Variants in SORT1 observed in about 807,000 individuals in gnomAD.
The protein encoded by SORT1 is sortilin 1.
In SORT1, 39 loss-of-function variants were observed where a neutral mutation model predicts 101.7. That is an observed-to-expected ratio of 0.38 (90% CI 0.30 to 0.50). SORT1 has a LOEUF of 0.50. SORT1 is among the 20% of genes least tolerant of loss of function. SORT1 has a pLI of 0.90. For missense variants in SORT1, 878 were observed against 1,040.4 expected (o/e 0.84, Z 2.15); for synonymous variants, 396 against 393.7 (o/e 1.01, Z -0.07).
At chr1:109,350,837 C>G (rs1414303786) in intron 6 of SORT1, 92 bp downstream of exon 6, 8 of 877,014 alleles carry the variant, frequency 9.1e-6, no homozygotes, top group Non-Finnish European at 1.6e-5. Flanking sequence ...ACTTGGCACA[C>G]AGTAAGTGCT....
At chr1:109,392,588 T>C in intron 1 of SORT1, 1 of 984,354 alleles carries the variant, frequency 1.0e-6, no homozygotes, top group African/African-American at 1.7e-5. Context: ...GCAGAGAACT[T>C]ACCTAATTGT....
chr1:109,316,532 CACAG>C (rs1216565254), intron 17 of SORT1, among the ~76,000 whole-genome samples: 1 of 152,122 alleles, frequency 6.6e-6, no homozygotes, highest in Non-Finnish European at 1.5e-5. Context: ...GTACCCAGCC[CACAG>C]ACAACCTTTT....
At chr1:109,357,575 G>A (rs2101609352) in intron 3 of SORT1, among the ~76,000 whole-genome samples, 1 of 152,330 alleles carries the variant, frequency 6.6e-6, no homozygotes, top group Non-Finnish European at 1.5e-5. Context: ...AATTATCTGT[G>A]AGGATTTTTT....
chr1:109,347,991 T>TC (rs1649711730), intron 6 of SORT1, among the ~76,000 whole-genome samples: 1 of 152,270 alleles, frequency 6.6e-6, no homozygotes, highest in African/African-American at 2.4e-5. Context: ...CACTGTACCA[T>TC]CTGCACAGCC....
Position 109,336,223 on chromosome 1 carries a change from CA to C in SORT1, c.1371+16del. ...TGGAAAGGCTGCTGTGCTCTGCACACATTAGAGTAAACAAACCTCATTCTTG... is the reference window on the plus strand; with the variant it reads ...TGGAAAGGCTGCTGTGCTCTGCACACTTAGAGTAAACAAACCTCATTCTTG... On this transcript the variant is annotated intron_variant, in intron 11 of 19. Transcript: ENST00000256637. The C allele has an allele frequency of 6.6e-7, 1 of 1,505,474 alleles. No individual in the cohort carries two copies. The highest frequency in any genetic ancestry group is 1.7e-5 in the Admixed American group (1 of 59,892). 93.3% of individuals were successfully genotyped at this position (1,505,474 alleles called of 1,614,324 possible).
chr1:109,366,647 C>T (rs3879451), intron 3 of SORT1: 98,538 of 152,206 alleles, frequency 0.65, 33,752 homozygotes, highest in East Asian at 0.96. Flanking sequence ...TGGCTCACAC[C>T]TGTAATCCTA....
chr1:109,363,386 A>C (rs539690835), intron 3 of SORT1, among the ~76,000 whole-genome samples: 1 of 152,184 alleles, frequency 6.6e-6, no homozygotes, highest in African/African-American at 2.4e-5. Context: ...CCTTATAAGG[A>C]AATCAAAATT....
At chr1:109,371,172 C>T (rs1651462408) in intron 1 of SORT1, among the ~76,000 whole-genome samples, 1 of 152,232 alleles carries the variant, frequency 6.6e-6, no homozygotes, top group Admixed American at 6.5e-5. Flanking sequence ...CAGAGCTTCT[C>T]ACAGCCTCTG....
At chr1:109,340,146 C>CAAAAA (rs34790280) in intron 10 of SORT1, among the ~76,000 whole-genome samples, 11 of 96,266 alleles carry the variant, frequency 1.1e-4, no homozygotes, top group Admixed American at 2.3e-4. Context: ...GATTCCATCT[C>CAAAAA]AAAAAAAAAA....
chr1:109,331,675 C>T (rs1648462309), intron 11 of SORT1, among the ~76,000 whole-genome samples: 1 of 152,004 alleles, frequency 6.6e-6, no homozygotes, highest in African/African-American at 2.4e-5. Context: ...GAAGTCCTAG[C>T]TGGAGCAATT....
chr1:109,381,804 C>T (rs1652255424), intron 1 of SORT1, among the ~76,000 whole-genome samples: 1 of 151,960 alleles, frequency 6.6e-6, no homozygotes, highest in African/African-American at 2.4e-5. Context: ...GTCAAGGCTA[C>T]AGTCAGCCAT....
intron 15 of SORT1, among the ~76,000 whole-genome samples, chr1:109,320,816 G>C (rs1647576811): frequency 6.6e-6 from 1 of 152,126 alleles, no homozygotes; most frequent in African/African-American, 2.4e-5. Flanking sequence ...AGGTTTTCCT[G>C]GTAAGTATTT....
At position 109,335,812 on chromosome 1, in the gene SORT1, G is replaced by A. The variant is rs373437452; in HGVS notation, c.1371+428C>T. The stretch of plus-strand genomic sequence containing the variant: ...AGGTCACCACCCACTGGCCATGGGA[G>A]CCTAGGCAGAGGGAAAGGAAGGCCA... On this transcript the variant is annotated intron_variant, in intron 11 of 19. Coordinates refer to ENST00000256637, the MANE Select transcript of SORT1 (RefSeq NM_002959.7). Among the ~76,000 whole-genome samples the A allele has an allele frequency of 1.0e-3, 154 of 152,296 alleles. 1 individual carries two copies. The highest frequency in any genetic ancestry group is 3.4e-3 in the Middle Eastern group (1 of 294).
At chr1:109,370,882 T>C (rs981607748) in intron 1 of SORT1, among the ~76,000 whole-genome samples, 1 of 152,102 alleles carries the variant, frequency 6.6e-6, no homozygotes, top group African/African-American at 2.4e-5. Context: ...ATAGAACATG[T>C]CTATAAATGG....
intron 1 of SORT1, among the ~76,000 whole-genome samples, chr1:109,394,545 C>T (rs990164454): frequency 1.3e-5 from 2 of 152,178 alleles, no homozygotes; most frequent in South Asian, 2.1e-4. Flanking sequence ...GTAATATAAA[C>T]GCACTATTAT....
intron 1 of SORT1, among the ~76,000 whole-genome samples, chr1:109,379,337 T>C (rs1402921756): frequency 1.3e-5 from 2 of 151,668 alleles, no homozygotes; most frequent in East Asian, 1.9e-4. Flanking sequence ...AATCTCATAA[T>C]GTTTTAAGAA....
chr1:109,367,422 G>C lies in SORT1; in HGVS notation c.426C>G (p.Ser142=). The C allele has an allele frequency of 6.3e-7, 1 of 1,596,312 alleles. No individual in the cohort carries two copies. Among genetic ancestry groups the C allele is most frequent in the Non-Finnish European group, 8.6e-7 (1 of 1,164,200 alleles). Residue 142 remains serine (S), a synonymous_variant, in exon 3 of 20, where the codon TCC becomes TCG. Coordinates refer to ENST00000256637, the MANE Select transcript of SORT1 (RefSeq NM_002959.7). ...VPLVIMTFGQ[S]KLYRSEDYGK... The stretch of plus-strand genomic sequence containing the variant: ...ATTGATCTCACCTTCGATATAGCTT[G>C]GACTGTCCAAAAGTCATAATTACCA...
At chr1:109,337,139 AC>A (rs1648887558) in intron 10 of SORT1, among the ~76,000 whole-genome samples, 1 of 152,104 alleles carries the variant, frequency 6.6e-6, no homozygotes, top group Non-Finnish European at 1.5e-5. Context: ...TCTTTCTTGT[AC>A]CTTTCTTTTT....
chr1:109,379,463 A>G (rs1201983985), intron 1 of SORT1, among the ~76,000 whole-genome samples: 1 of 152,216 alleles, frequency 6.6e-6, no homozygotes, highest in Non-Finnish European at 1.5e-5. Flanking sequence ...TGGTCACTTC[A>G]TATTGCTAAG....
Sources: allele counts gnomAD v4.1 joint callset (sites outside exome capture counted in the v4.1 genomes callset), GRCh38; gene constraint gnomAD v4.1.1; transcripts MANE v1.5; gene names NCBI Gene and HGNC (gene_info 2026-07-23, HGNC 2026-07-21).